Variants in CACNA2D3 observed in about 807,000 individuals in gnomAD.
The protein encoded by CACNA2D3 is voltage-dependent calcium channel subunit alpha-2/delta-3.
A neutral mutation model predicts 160.6 loss-of-function variants in CACNA2D3; 60 were observed. That is an observed-to-expected ratio of 0.37 (90% CI 0.30 to 0.46). The LOEUF (loss-of-function observed/expected upper bound fraction) is 0.46. CACNA2D3 is among the 20% of genes least tolerant of loss of function. The pLI is 1.00. For missense variants in CACNA2D3, 1,205 were observed against 1,365.0 expected, an observed-to-expected ratio of 0.88 and a Z score of 1.85; for synonymous variants, 558 against 492.9, an observed-to-expected ratio of 1.13 and a Z score of -1.75.
Position 54,538,944 on chromosome 3 carries a change from T to C in CACNA2D3, c.545-23856T>C, listed in dbSNP as rs182671342. Reference sequence around the variant, plus strand: ...CAATAAAATGTGGTCAAGAGGACTTTTCTCGTGGCTCTGCTGCTAACTGTG... The same window carrying C: ...CAATAAAATGTGGTCAAGAGGACTTCTCTCGTGGCTCTGCTGCTAACTGTG... On this transcript the variant is annotated intron_variant, in intron 5 of 37. Transcript: ENST00000474759. Among the ~76,000 whole-genome samples, 318 of 152,364 alleles carry C rather than the reference T, an allele frequency of 2.1e-3. 11 individuals are homozygous for C. The highest frequency in any genetic ancestry group is 0.021 in the Admixed American group (315 of 15,304).
In CACNA2D3 at chr3:54,291,534, C is replaced by G. The variant is rs541586391; in HGVS notation, c.205-28908C>G. On this transcript the variant is annotated intron_variant, in intron 2 of 37. Transcript: ENST00000474759. Reference sequence around the variant, plus strand: ...TTGGTGGTAACTGAATTATCTGAGCCTGTAATCTTTTTTTTAAAAAAGGTA... The same window carrying G: ...TTGGTGGTAACTGAATTATCTGAGCGTGTAATCTTTTTTTTAAAAAAGGTA... 6.6e-5 allele frequency among the ~76,000 whole-genome samples: 10 copies of G among 152,242 alleles called. No individual in the cohort carries two copies. In the South Asian group the frequency reaches 2.1e-3, roughly 32 times the overall value.
intron 4 of CACNA2D3, among the ~76,000 whole-genome samples, chr3:54,393,105 G>A (rs943025304): frequency 4.6e-5 from 7 of 152,128 alleles, no homozygotes; most frequent in African/African-American, 1.7e-4. Context: ...ATAGAGAAGG[G>A]AAGCGCCTTG....
intron 3 of CACNA2D3, among the ~76,000 whole-genome samples, chr3:54,335,752 C>T (rs1262094303): frequency 6.6e-6 from 1 of 152,046 alleles, no homozygotes; most frequent in Non-Finnish European, 1.5e-5. Context: ...TGCCTGTAAT[C>T]CCAGCACTTT....
chr3:54,588,174 A>G (rs1042745052), intron 9 of CACNA2D3, among the ~76,000 whole-genome samples: 10 of 152,346 alleles, frequency 6.6e-5, no homozygotes, highest in South Asian at 4.1e-4. Flanking sequence ...AAATCAATCA[A>G]TGTAATCTAC....
chr3:54,894,428 T>G (rs1279323850), intron 25 of CACNA2D3, among the ~76,000 whole-genome samples: 1 of 152,040 alleles, frequency 6.6e-6, no homozygotes, highest in Non-Finnish European at 1.5e-5. Context: ...TGTGCAGCAT[T>G]CCAGATCTAT....
intron 2 of CACNA2D3, among the ~76,000 whole-genome samples, chr3:54,285,947 A>G (rs1559908993): frequency 6.6e-6 from 1 of 152,214 alleles, no homozygotes; most frequent in Non-Finnish European, 1.5e-5. Context: ...ATCATCAAAG[A>G]CCAAAAGTAG....
At chr3:54,350,987 T>TTTTTTTTTTTTTTTTTG (rs1698550510) in intron 3 of CACNA2D3, among the ~76,000 whole-genome samples, 1 of 28,784 alleles carries the variant, frequency 3.5e-5, no homozygotes, top group Non-Finnish European at 6.7e-5. Flanking sequence ...TTTTTGTTTG[T>TTTTTTTTTTTTTTTTTG]TTTTTTTTTT....
At chr3:54,983,681 T>C (rs1702553930) in intron 29 of CACNA2D3, among the ~76,000 whole-genome samples, 1 of 152,210 alleles carries the variant, frequency 6.6e-6, no homozygotes, top group African/African-American at 2.4e-5. Flanking sequence ...CTTTTGTGCC[T>C]AACCAAAACC....
At chr3:54,701,534 C>T (rs1035973086) in intron 11 of CACNA2D3, among the ~76,000 whole-genome samples, 2 of 152,022 alleles carry the variant, frequency 1.3e-5, no homozygotes, top group Non-Finnish European at 1.5e-5. Flanking sequence ...ATACAGCTAC[C>T]GAGGGAGGTG....
At chr3:55,050,906 G>A (rs1704186686) in intron 35 of CACNA2D3, among the ~76,000 whole-genome samples, 2 of 135,412 alleles carry the variant, frequency 1.5e-5, no homozygotes, top group African/African-American at 3.0e-5. Context: ...TGGCTCCTGA[G>A]GCTTCTGCAT....
intron 11 of CACNA2D3, among the ~76,000 whole-genome samples, chr3:54,670,061 G>C (rs532846060): frequency 6.6e-6 from 1 of 152,134 alleles, no homozygotes; most frequent in Non-Finnish European, 1.5e-5. Context: ...TCATATAGCT[G>C]GGGAAACCTT....
intron 2 of CACNA2D3, among the ~76,000 whole-genome samples, chr3:54,304,035 C>G (rs4078006): frequency 0.22 from 33,792 of 151,878 alleles, 4,114 homozygotes; most frequent in South Asian, 0.34. Flanking sequence ...TTTTTCTCAA[C>G]CTCTGGACTC....
At chr3:54,174,850 A>G (rs1255111482) in intron 2 of CACNA2D3, among the ~76,000 whole-genome samples, 1 of 152,104 alleles carries the variant, frequency 6.6e-6, no homozygotes, top group East Asian at 1.9e-4. Context: ...TTGAAGAAAA[A>G]TGTCAGGTTT....
intron 27 of CACNA2D3, chr3:54,925,059 A>G (rs1700973097): frequency 1.2e-6 from 2 of 1,614,172 alleles, no homozygotes; most frequent in South Asian, 1.1e-5. Context: ...TTGTAAATGC[A>G]GCGTTCGAGT....
chr3:54,739,789 GTGTGT>G (rs1701609953), intron 11 of CACNA2D3, among the ~76,000 whole-genome samples: 1 of 93,544 alleles, frequency 1.1e-5, no homozygotes, highest in Non-Finnish European at 2.5e-5. Context: ...GTGTGTGTGT[GTGTGT>G]GGAATTATAT....
At chr3:55,067,756 G>A (rs969376143) in intron 35 of CACNA2D3, among the ~76,000 whole-genome samples, 1 of 139,794 alleles carries the variant, frequency 7.2e-6, no homozygotes, top group Non-Finnish European at 1.5e-5. Flanking sequence ...TAAAGACAGA[G>A]CGATAGATAT....
chr3:54,830,792 G>A (rs1005797236), intron 14 of CACNA2D3, among the ~76,000 whole-genome samples: 1 of 152,062 alleles, frequency 6.6e-6, no homozygotes, highest in African/African-American at 2.4e-5. Flanking sequence ...ATATATTTTT[G>A]TTTGTAAGGC....
intron 2 of CACNA2D3, among the ~76,000 whole-genome samples, chr3:54,277,342 A>G (rs1232186561): frequency 6.6e-6 from 1 of 152,268 alleles, no homozygotes; most frequent in Non-Finnish European, 1.5e-5. Context: ...AATCTTCTGC[A>G]TATGGCTAGC....
At chr3:54,987,793 T>C in intron 31 of CACNA2D3, 40 bp downstream of exon 31, 2 of 1,477,894 alleles carry the variant, frequency 1.4e-6, no homozygotes, top group Non-Finnish European at 1.8e-6. Flanking sequence ...CCCAAAAGTT[T>C]TCCTAAATAA....
Sources: allele counts gnomAD v4.1 joint callset (sites outside exome capture counted in the v4.1 genomes callset), GRCh38; gene constraint gnomAD v4.1.1; transcripts MANE v1.5; gene names NCBI Gene and HGNC (gene_info 2026-07-23, HGNC 2026-07-21).